Variants in EYA2 observed in about 807,000 individuals in gnomAD.
EYA2 encodes the protein protein phosphatase EYA2.
A neutral mutation model predicts 69.2 loss-of-function variants in EYA2; 31 were observed. That is an observed-to-expected ratio of 0.45 (90% confidence interval 0.34 to 0.60). EYA2 has a LOEUF of 0.60. Among genes scored for constraint, EYA2 ranks in the 20% least tolerant of loss-of-function variants. EYA2 has a pLI of 0.02. For missense variants in EYA2, 622 were observed against 701.2 expected, an observed-to-expected ratio of 0.89 and a Z score of 1.28; for synonymous variants, 257 against 279.4, an observed-to-expected ratio of 0.92 and a Z score of 0.80.
At chr20:47,158,719 G>A (rs1346918022) in intron 10 of EYA2, among the ~76,000 whole-genome samples, 1 of 151,876 alleles carries the variant, frequency 6.6e-6, no homozygotes, top group Non-Finnish European at 1.5e-5. Context: ...TTTTAGCACC[G>A]TAAAGTAAGG....
chr20:47,045,752 A>G (rs2030004025), intron 5 of EYA2, among the ~76,000 whole-genome samples: 1 of 152,220 alleles, frequency 6.6e-6, no homozygotes, highest in South Asian at 2.1e-4. Flanking sequence ...TTTTTTCAGC[A>G]TCAATGGTAT....
intron 1 of EYA2, among the ~76,000 whole-genome samples, chr20:46,962,006 A>T (rs1477273739): frequency 6.6e-6 from 1 of 152,228 alleles, no homozygotes; most frequent in South Asian, 2.1e-4. Flanking sequence ...AAATAGCTAG[A>T]AAAGCAGATT....
chr20:47,177,820 G>T (rs1030283993), intron 12 of EYA2, among the ~76,000 whole-genome samples: 1 of 152,234 alleles, frequency 6.6e-6, no homozygotes, highest in Non-Finnish European at 1.5e-5. Flanking sequence ...CTATGATGGC[G>T]AACAAGACTG....
rs2034694955 is a variant in EYA2, at chr20:47,188,562, T to G, written c.*429T>G. On this transcript the variant is annotated 3_prime_UTR_variant, in exon 16 of 16. Coordinates refer to ENST00000327619, the MANE Select transcript of EYA2 (RefSeq NM_005244.5). ...TAGTCGTTGGTTTGGTTTGGTTTTT[T>G]GAACTGGTATGTGGGGTGGTTCACA... 4.3e-6 allele frequency: 2 copies of G among 460,934 alleles called. No individual in the cohort carries two copies. The highest frequency in any genetic ancestry group is 1.4e-4 in the South Asian group (2 of 14,730). 28.6% of individuals were successfully genotyped at this position (460,934 alleles called of 1,614,324 possible). A position where few individuals can be genotyped will look rare whatever the true frequency, so the allele number is the denominator to read the frequency against.
intron 5 of EYA2, among the ~76,000 whole-genome samples, chr20:47,060,548 G>C (rs1737991442): frequency 6.6e-6 from 1 of 152,256 alleles, no homozygotes; most frequent in African/African-American, 2.4e-5. Context: ...GTCTTCATCA[G>C]CCTGGGCAGA....
chr20:46,978,844 G>A (rs1980630413), intron 1 of EYA2, among the ~76,000 whole-genome samples: 1 of 152,200 alleles, frequency 6.6e-6, no homozygotes, highest in Admixed American at 6.5e-5. Flanking sequence ...GAAGGAGAGG[G>A]AGAAGTAAGA....
chr20:46,900,976 T>C (rs1453303279), intron 1 of EYA2, among the ~76,000 whole-genome samples: 3 of 152,182 alleles, frequency 2.0e-5, no homozygotes, highest in African/African-American at 7.2e-5. Context: ...CCAAACAGGG[T>C]GAAAACCACT....
chr20:47,186,454 T>A (rs1419520307), intron 15 of EYA2, among the ~76,000 whole-genome samples: 1 of 149,894 alleles, frequency 6.7e-6, no homozygotes, highest in Non-Finnish European at 1.5e-5. Flanking sequence ...CTGCCTCCTG[T>A]GTTCAAGTGA....
chr20:47,145,094 T>G (rs1032843615), intron 10 of EYA2, among the ~76,000 whole-genome samples: 3 of 152,206 alleles, frequency 2.0e-5, no homozygotes, highest in African/African-American at 7.2e-5. Flanking sequence ...TGATTGACCC[T>G]GAATCTCTAG....
intron 10 of EYA2, among the ~76,000 whole-genome samples, chr20:47,158,216 A>T (rs4810620): frequency 0.23 from 34,772 of 151,728 alleles, 5,046 homozygotes; most frequent in African/African-American, 0.41. Context: ...GTAATTTTTT[A>T]AAAAACACTG....
chr20:47,084,497 T>A (rs1474871842), intron 7 of EYA2, among the ~76,000 whole-genome samples: 1 of 151,924 alleles, frequency 6.6e-6, no homozygotes, highest in Non-Finnish European at 1.5e-5. Context: ...GCTGTAATTG[T>A]GCCACTGCAC....
intron 9 of EYA2, among the ~76,000 whole-genome samples, chr20:47,110,136 A>G (rs370081908): frequency 1.3e-5 from 2 of 152,186 alleles, no homozygotes; most frequent in East Asian, 3.9e-4. Flanking sequence ...CTCCCTTTAT[A>G]CTCATTTCCA....
chr20:47,134,768 CA>C (rs2033420497), intron 9 of EYA2, among the ~76,000 whole-genome samples: 1 of 152,190 alleles, frequency 6.6e-6, no homozygotes, highest in African/African-American at 2.4e-5. Flanking sequence ...ACCATGAAAA[CA>C]GCCATAAATA....
intron 1 of EYA2, among the ~76,000 whole-genome samples, chr20:46,941,240 C>A (rs1484679820): frequency 2.0e-5 from 3 of 152,246 alleles, no homozygotes; most frequent in African/African-American, 7.2e-5. Flanking sequence ...CCTATCACAT[C>A]TCTCCTCTGT....
At chr20:47,163,366 C>T (rs1001888551) in intron 10 of EYA2, among the ~76,000 whole-genome samples, 2 of 152,208 alleles carry the variant, frequency 1.3e-5, no homozygotes, top group South Asian at 4.1e-4. Context: ...TTTTCACACT[C>T]CAGGATGTCT....
intron 12 of EYA2, among the ~76,000 whole-genome samples, chr20:47,177,572 T>C (rs1375625118): frequency 6.6e-6 from 1 of 152,196 alleles, no homozygotes; most frequent in Non-Finnish European, 1.5e-5. Context: ...TTCAGAAAGA[T>C]AAAGAAGGCC....
chr20:47,114,120 T>C (rs1450038401), intron 9 of EYA2, among the ~76,000 whole-genome samples: 2 of 152,188 alleles, frequency 1.3e-5, no homozygotes, highest in Admixed American at 1.3e-4. Context: ...AGACACCTGT[T>C]GGTGTGATGG....
At chr20:47,152,887 A>G (rs2868851) in intron 10 of EYA2, among the ~76,000 whole-genome samples, 2,516 of 151,218 alleles carry the variant, frequency 0.017, 68 homozygotes, top group African/African-American at 0.057. Context: ...AGCCAAAATC[A>G]CACCACTTCA....
chr20:46,973,706 C>G (rs931970165), intron 1 of EYA2, among the ~76,000 whole-genome samples: 1 of 151,612 alleles, frequency 6.6e-6, no homozygotes, highest in African/African-American at 2.4e-5. Context: ...AAGTTCATTC[C>G]ACTATTCTGT....
Sources: gnomAD v4.1 joint callset for allele counts (sites outside exome capture counted in the v4.1 genomes callset) on GRCh38, gnomAD v4.1.1 for gene constraint, MANE v1.5 for transcripts, NCBI Gene and HGNC (gene_info 2026-07-23, HGNC 2026-07-21) for gene names.